Variants in SLC25A28 observed in about 807,000 individuals in gnomAD.
SLC25A28 encodes solute carrier family 25 member 28.
A neutral mutation model predicts 31.9 loss-of-function variants in SLC25A28; 10 were observed. The observed-to-expected ratio is 0.31, with a 90% CI of 0.19 to 0.53. The LOEUF is 0.53. SLC25A28 is among the 20% of genes least tolerant of loss of function. The pLI is 0.95. For missense variants in SLC25A28, 256 were observed against 490.3 expected, an observed-to-expected ratio of 0.52 and a Z score of 4.51; for synonymous variants, 208 against 203.6, an observed-to-expected ratio of 1.02 and a Z score of -0.19.
the SLC25A28 span, among the ~76,000 whole-genome samples, chr10:99,638,213 A>G: frequency 2.0e-5 from 3 of 152,122 alleles, no homozygotes; most frequent in Non-Finnish European, 4.4e-5. Context: ...ACCCTTTTCC[A>G]CAAATGGTAA....
At chr10:99,628,286 C>T in the SLC25A28 span, among the ~76,000 whole-genome samples, 2 of 152,148 alleles carry the variant, frequency 1.3e-5, no homozygotes, top group East Asian at 1.9e-4. Context: ...ACTCATGTCT[C>T]GACTTGAGTT....
chr10:99,625,063 C>G (rs2034857966), upstream of SLC25A28, among the ~76,000 whole-genome samples: 1 of 150,182 alleles, frequency 6.7e-6, no homozygotes, highest in African/African-American at 2.5e-5. Context: ...GGAGTTTGTT[C>G]CTTCAGATGT....
At chr10:99,626,305 A>G in the SLC25A28 span, among the ~76,000 whole-genome samples, 1 of 152,250 alleles carries the variant, frequency 6.6e-6, no homozygotes, top group Non-Finnish European at 1.5e-5. Context: ...TGGGGTAAGC[A>G]GTGAGGACTG....
At position 99,611,987 on chromosome 10, in the gene SLC25A28, G is replaced by T. The variant is rs146912913; in HGVS notation, c.577+556C>A. 2.4e-4 allele frequency among the ~76,000 whole-genome samples: 36 copies of T among 152,320 alleles called. No individual in the cohort carries two copies. The highest frequency in any genetic ancestry group is 7.5e-4 in the African/African-American group (31 of 41,584). Reference sequence around the variant, plus strand: ...CCATGGCCTTGCCCAGACAGAAAATGAACGTGGCAACAATGCTATCCCTTC... The same window carrying T: ...CCATGGCCTTGCCCAGACAGAAAATTAACGTGGCAACAATGCTATCCCTTC... On this transcript the variant is annotated intron_variant, in intron 3 of 3. Coordinates refer to ENST00000370495, the MANE Select transcript of SLC25A28 (RefSeq NM_031212.4). This position sits in a 1 kb window ranked among gnomAD's most constrained non-coding sequence, Gnocchi z 5.5.
the SLC25A28 span, among the ~76,000 whole-genome samples, chr10:99,643,569 G>T: frequency 6.6e-6 from 1 of 152,086 alleles, no homozygotes; most frequent in Non-Finnish European, 1.5e-5. Context: ...ATCTCCTTCA[G>T]TTCTGCTCTG....
chr10:99,642,012 C>T, the SLC25A28 span, among the ~76,000 whole-genome samples: 2 of 151,914 alleles, frequency 1.3e-5, no homozygotes, highest in African/African-American at 2.4e-5. Context: ...ATGCCTCCAG[C>T]TTTGTTCTTT....
intron 1 of SLC25A28, chr10:99,617,733 G>A (rs2034690534): frequency 4.2e-5 from 41 of 985,326 alleles, no homozygotes; most frequent in South Asian, 4.7e-5. Flanking sequence ...ATAAGCTTTC[G>A]TATTGTTGAC....
the SLC25A28 span, among the ~76,000 whole-genome samples, chr10:99,658,983 C>T: frequency 1.3e-5 from 2 of 152,174 alleles, no homozygotes. Context: ...TGTTTTCTCA[C>T]GGGGCAAGAC....
At chr10:99,620,586 G>A, upstream of SLC25A28, 2 of 1,010,410 alleles carry the variant, frequency 2.0e-6, no homozygotes, top group South Asian at 9.3e-5. Context: ...CCGCCCTGAG[G>A]CGTTGCTAGC....
chr10:99,630,270 C>T, the SLC25A28 span, among the ~76,000 whole-genome samples: 2 of 151,980 alleles, frequency 1.3e-5, no homozygotes, highest in Non-Finnish European at 2.9e-5. Flanking sequence ...CTGGGATTAA[C>T]GATGCGCACC....
At chr10:99,630,723 A>T in the SLC25A28 span, among the ~76,000 whole-genome samples, 4 of 152,334 alleles carry the variant, frequency 2.6e-5, no homozygotes, top group Admixed American at 1.3e-4. Flanking sequence ...TAAAAGATGC[A>T]TAAATCCACG....
intron 1 of SLC25A28, chr10:99,617,394 C>G (rs1445039162): frequency 2.0e-6 from 2 of 985,304 alleles, no homozygotes; most frequent in Admixed American, 6.1e-5. Flanking sequence ...GATGGACAGG[C>G]CTGCATGTCA....
the SLC25A28 span, among the ~76,000 whole-genome samples, chr10:99,657,084 A>C: frequency 6.6e-6 from 1 of 152,222 alleles, no homozygotes; most frequent in South Asian, 2.1e-4. Flanking sequence ...CTGTTTTATG[A>C]TGTAGTTATG....
the SLC25A28 span, among the ~76,000 whole-genome samples, chr10:99,652,815 T>C: frequency 6.6e-6 from 1 of 152,158 alleles, no homozygotes; most frequent in Non-Finnish European, 1.5e-5. Context: ...TTTTCTGCAT[T>C]TTTCAAATTT....
intron 1 of SLC25A28, chr10:99,617,297 T>A: frequency 3.0e-6 from 3 of 985,470 alleles, no homozygotes; most frequent in Non-Finnish European, 3.6e-6. Context: ...GCTGGTTGAA[T>A]AACCATGATC....
At chr10:99,653,447 G>GT in the SLC25A28 span, among the ~76,000 whole-genome samples, 1 of 152,174 alleles carries the variant, frequency 6.6e-6, no homozygotes, top group African/African-American at 2.4e-5. Flanking sequence ...CTGACATCTT[G>GT]TTTGCAACCT....
chr10:99,612,974 G>T (rs978394522), intron 2 of SLC25A28, among the ~76,000 whole-genome samples: 17 of 152,182 alleles, frequency 1.1e-4, no homozygotes, highest in African/African-American at 4.1e-4. Context: ...CAGGTGGTCA[G>T]ATCTCACAGA....
At chr10:99,636,979 T>G in the SLC25A28 span, among the ~76,000 whole-genome samples, 1 of 152,142 alleles carries the variant, frequency 6.6e-6, no homozygotes, top group Non-Finnish European at 1.5e-5. Flanking sequence ...CAGGAAAGGA[T>G]GTAACCAAAA....
the SLC25A28 span, among the ~76,000 whole-genome samples, chr10:99,658,921 A>G: frequency 6.6e-6 from 1 of 152,352 alleles, no homozygotes; most frequent in East Asian, 1.9e-4. Context: ...CATTCAATGA[A>G]TGAATGAATG....
Sources: allele counts gnomAD v4.1 joint callset (sites outside exome capture counted in the v4.1 genomes callset), GRCh38; gene constraint gnomAD v4.1.1; non-coding constraint Gnocchi (gnomAD v3.1); transcripts MANE v1.5; gene names NCBI Gene and HGNC (gene_info 2026-07-23, HGNC 2026-07-21).